Variants in SOS2 observed in about 807,000 individuals in gnomAD.
SOS2 encodes son of sevenless homolog 2.
A neutral mutation model predicts 148.2 loss-of-function variants in SOS2; 65 were observed. That is an observed-to-expected ratio of 0.44 (90% CI 0.36 to 0.54). The LOEUF is 0.54. Ranked by LOEUF, SOS2 falls within the 20% of genes least tolerant of loss-of-function variation. The probability of loss-of-function intolerance (pLI) is 0.00; values close to 1 mark genes in which losing one functional copy is unlikely to be tolerated. For synonymous variants in SOS2, 539 were observed against 537.1 expected, an observed-to-expected ratio of 1.00 and a Z score of -0.05; for missense variants, 1,341 against 1,590.2, an observed-to-expected ratio of 0.84 and a Z score of 2.67.
chr14:50,187,021 C>CT (rs1173694704), intron 5 of SOS2, among the ~76,000 whole-genome samples: 1 of 151,960 alleles, frequency 6.6e-6, no homozygotes, highest in Non-Finnish European at 1.5e-5. Context: ...GGCTAAGTAT[C>CT]TTTTTTTTGA....
intron 1 of SOS2, among the ~76,000 whole-genome samples, chr14:50,214,147 T>C (rs1172314438): frequency 6.6e-6 from 1 of 152,138 alleles, no homozygotes; most frequent in Non-Finnish European, 1.5e-5. Flanking sequence ...TCTTTTTATT[T>C]ACATAAATAA....
intron 19 of SOS2, 62 bp downstream of exon 19, chr14:50,134,061 A>G: frequency 1.2e-6 from 1 of 852,162 alleles, no homozygotes; most frequent in Non-Finnish European, 2.0e-6. Flanking sequence ...ACAGGTTGTT[A>G]AACATTGAAA....
rs763181660 is a variant in SOS2 at position 50,161,548 on chromosome 14, G to C, written c.1130C>G (p.Ala377Gly). The C allele has an allele frequency of 6.2e-7, 1 of 1,611,308 alleles. No homozygotes were observed. Among genetic ancestry groups the C allele is most frequent in the Non-Finnish European group, 8.5e-7 (1 of 1,177,562 alleles). ...DRECLNQAIT[A>G]LMNLQGSMDR... ...CATGCTACCTTGGAGATTCATGAGA[G>C]CAGTAATAGCTTGGTTCAAACATTC... Residue 377 changes from alanine to glycine, a missense_variant, in exon 9 of 23, where the codon GCT (alanine) becomes GGT (glycine). Transcript: ENST00000216373.
intron 2 of SOS2, among the ~76,000 whole-genome samples, chr14:50,202,358 A>G (rs925122392): frequency 6.6e-6 from 1 of 152,208 alleles, no homozygotes; most frequent in Non-Finnish European, 1.5e-5. Context: ...AGGGTTTCCT[A>G]TATTTATAGT....
chr14:50,129,252 T>A (rs1460621922), intron 21 of SOS2, among the ~76,000 whole-genome samples: 2 of 152,168 alleles, frequency 1.3e-5, no homozygotes, highest in African/African-American at 4.8e-5. Context: ...CCCGGGAACC[T>A]GATAAACATT....
At chr14:50,148,824 A>C (rs1181859708) in intron 14 of SOS2, among the ~76,000 whole-genome samples, 3 of 152,228 alleles carry the variant, frequency 2.0e-5, no homozygotes, top group African/African-American at 7.2e-5. Context: ...ATTAGCACTA[A>C]ATTTTATATA....
intron 8 of SOS2, among the ~76,000 whole-genome samples, chr14:50,162,896 G>GTTTTTTTTTTT (rs1566832748): frequency 7.2e-6 from 1 of 139,854 alleles, no homozygotes; most frequent in African/African-American, 2.7e-5. Flanking sequence ...CCAATGTTTT[G>GTTTTTTTTTTT]ATTTTTTTTT....
chr14:50,143,649 C>T (rs1884369543), intron 16 of SOS2, among the ~76,000 whole-genome samples: 1 of 152,038 alleles, frequency 6.6e-6, no homozygotes, highest in Non-Finnish European at 1.5e-5. Flanking sequence ...ATCATGTTAG[C>T]CAGGCTGGTA....
At chr14:50,159,230 T>C (rs1379652813) in intron 10 of SOS2, among the ~76,000 whole-genome samples, 1 of 152,164 alleles carries the variant, frequency 6.6e-6, no homozygotes, top group Non-Finnish European at 1.5e-5. Context: ...TTATGAATAT[T>C]TATTCAATAA....
rs1175080849 is a variant in SOS2, at chr14:50,211,550, GT to G, written c.88-7142del. 9.6e-5 allele frequency among the ~76,000 whole-genome samples: 14 copies of G among 145,408 alleles called. No individual in the cohort carries two copies. In the East Asian group the frequency reaches 1.4e-3, roughly 15 times the overall value. On this transcript the variant is annotated intron_variant, in intron 1 of 22. Coordinates refer to ENST00000216373, the MANE Select transcript of SOS2 (RefSeq NM_006939.4). ...CCGTAAATGAGAACATGCAGCATTT[GT>G]TTTTTTTTTGTTCCTGCATTAATTC...
At chr14:50,179,461 T>G (rs1452826585) in intron 7 of SOS2, among the ~76,000 whole-genome samples, 7 of 152,078 alleles carry the variant, frequency 4.6e-5, no homozygotes, top group African/African-American at 1.7e-4. Context: ...CATGACTCAT[T>G]GCAGCCTTGA....
intron 22 of SOS2, 91 bp downstream of exon 22, chr14:50,120,184 C>T: frequency 1.6e-6 from 1 of 623,274 alleles, no homozygotes. Context: ...AAATGGTAGC[C>T]AAAGTATAAT....
At chr14:50,156,786 T>C (rs1884834684) in intron 12 of SOS2, 2 of 253,984 alleles carry the variant, frequency 7.9e-6, no homozygotes, top group East Asian at 7.7e-5. Context: ...ATTTAAATAT[T>C]TGAATTTCTT....
rs1884937684 is a variant in SOS2 at position 50,159,803 on chromosome 14, T to A, written c.1480A>T (p.Met494Leu). Residue 494 changes from methionine to leucine, a missense_variant, in exon 10 of 23, where the codon ATG becomes TTG. Physicochemically the swap from Met to Leu is conservative, Grantham distance 15. Around this residue, in one of 4 missense-constraint regions of SOS2, gnomAD observed 574 missense variants for 711.1 expected, o/e 0.81. Coordinates refer to ENST00000216373, the MANE Select transcript of SOS2 (RefSeq NM_006939.4). ...TTATCACAAATTTGTATTTTCCTCA[T>A]GACAAATTTTTCTTTTAACCTGTAT... ...AEYRLKEKFV[M>L]RKIQICDKED... 1.2e-6 allele frequency: 2 copies of A among 1,614,102 alleles called. No individual in the cohort carries two copies. The highest frequency in any genetic ancestry group is 2.2e-5 in the East Asian group (1 of 44,872).
chr14:50,144,040 T>C (rs2139572213), intron 16 of SOS2, among the ~76,000 whole-genome samples: 2 of 152,160 alleles, frequency 1.3e-5, no homozygotes, highest in Middle Eastern at 6.8e-3. Flanking sequence ...GTATTTAAAG[T>C]CTTAAAGTAT....
At chr14:50,198,136 C>T (rs1886371524) in intron 4 of SOS2, among the ~76,000 whole-genome samples, 1 of 151,236 alleles carries the variant, frequency 6.6e-6, no homozygotes, top group South Asian at 2.1e-4. Context: ...GGATATGTGA[C>T]AAAACTTGAA....
intron 4 of SOS2, among the ~76,000 whole-genome samples, chr14:50,195,687 G>A (rs947780524): frequency 6.6e-6 from 1 of 152,120 alleles, no homozygotes; most frequent in Admixed American, 6.6e-5. Context: ...CCTGAGCCCA[G>A]GGGTTTGAAG....
At chr14:50,230,341 A>G (rs531417996) in intron 1 of SOS2, among the ~76,000 whole-genome samples, 2 of 152,222 alleles carry the variant, frequency 1.3e-5, no homozygotes, top group Non-Finnish European at 2.9e-5. Flanking sequence ...CCCCTGCTCA[A>G]CAGGCATGAC....
In SOS2 at chr14:50,117,624, TAAC is replaced by T. The variant is rs1302586254; in HGVS notation, c.*717_*719del. The T allele has an allele frequency of 1.3e-5, 2 of 152,210 alleles. No individual in the cohort carries two copies. The highest frequency in any genetic ancestry group is 2.4e-5 in the African/African-American group (1 of 41,468). 9.4% of individuals were successfully genotyped at this position (152,210 alleles called of 1,614,324 possible). On this transcript the variant is annotated 3_prime_UTR_variant, in exon 23 of 23. Coordinates refer to ENST00000216373, the MANE Select transcript of SOS2 (RefSeq NM_006939.4). ...TACATGGCATATTAACTGTTTTCCA[TAAC>T]AATAGGCAATTCATTAGCTAAAGAC...
Sources: allele counts gnomAD v4.1 joint callset (sites outside exome capture counted in the v4.1 genomes callset), GRCh38; gene constraint gnomAD v4.1.1; regional missense constraint gnomAD v4.1.1; transcripts MANE v1.5; gene names NCBI Gene and HGNC (gene_info 2026-07-23, HGNC 2026-07-21).